The following DPRX variants were observed in gnomAD, a reference collection of about 807,000 sequenced individuals.
The protein encoded by DPRX is divergent paired-related homeobox.
DPRX carries 11 observed loss-of-function variants against 8.4 expected under a neutral mutation model. The observed-to-expected ratio is 1.31, with a 90% CI of 0.82 to 2.17. The LOEUF (loss-of-function observed/expected upper bound fraction) is 2.17, where lower values mean the gene tolerates loss of function less well. Among genes scored for constraint, DPRX ranks in the 30% most tolerant of loss-of-function variants. The pLI, the probability that DPRX is intolerant of heterozygous loss-of-function variation, is 0.00. For missense variants in DPRX, 211 were observed against 236.7 expected, an observed-to-expected ratio of 0.89 and a Z score of 0.71; for synonymous variants, 72 against 87.0, an observed-to-expected ratio of 0.83 and a Z score of 0.96.
chr19:53,621,512 C>T, the DPRX span, among the ~76,000 whole-genome samples: 1 of 152,084 alleles, frequency 6.6e-6, no homozygotes, highest in African/African-American at 2.4e-5. Context: ...ATTTTCAATA[C>T]AGGCCAGGCA....
the DPRX span, among the ~76,000 whole-genome samples, chr19:53,604,240 G>T: frequency 3.1e-4 from 47 of 152,050 alleles, 1 homozygote; most frequent in South Asian, 9.4e-3. Flanking sequence ...CCGCGGTTTC[G>T]GGCATGTACT....
At chr19:53,601,729 G>A in the DPRX span, among the ~76,000 whole-genome samples, 57 of 152,124 alleles carry the variant, frequency 3.7e-4, no homozygotes, top group Non-Finnish European at 6.6e-4. Flanking sequence ...TGATCCACCC[G>A]CCTTGGCCTC....
intron 2 of DPRX, among the ~76,000 whole-genome samples, chr19:53,634,958 G>C (rs1261585781): frequency 6.6e-6 from 1 of 152,166 alleles, no homozygotes; most frequent in Admixed American, 6.6e-5. Context: ...CAGTGCGAAG[G>C]CAGCCACAGA....
the DPRX span, among the ~76,000 whole-genome samples, chr19:53,604,871 T>C: frequency 1.3e-5 from 2 of 148,218 alleles, no homozygotes; most frequent in African/African-American, 5.0e-5. Flanking sequence ...GCTGGAAAAA[T>C]AGGTTTTCAG....
chr19:53,618,096 C>G, the DPRX span, among the ~76,000 whole-genome samples: 1 of 149,930 alleles, frequency 6.7e-6, no homozygotes, highest in Non-Finnish European at 1.5e-5. Context: ...GAGCCTAGAT[C>G]GCTGCCACTG....
the DPRX span, among the ~76,000 whole-genome samples, chr19:53,623,801 T>C: frequency 6.6e-6 from 1 of 151,140 alleles, no homozygotes; most frequent in Admixed American, 6.6e-5. Flanking sequence ...AAATACACAA[T>C]TAGCTGGACA....
chr19:53,621,804 C>G, the DPRX span, among the ~76,000 whole-genome samples: 2 of 152,088 alleles, frequency 1.3e-5, no homozygotes, highest in Admixed American at 1.3e-4. Flanking sequence ...AAAAGGCAAT[C>G]TTTCCTAGAA....
the DPRX span, among the ~76,000 whole-genome samples, chr19:53,618,108 A>T: frequency 7.3e-5 from 11 of 150,718 alleles, no homozygotes; most frequent in South Asian, 4.2e-4. Flanking sequence ...CTGCCACTGC[A>T]CTCCAGCCTG....
chr19:53,636,133 C>T (rs970468569), intron 2 of DPRX, among the ~76,000 whole-genome samples: 12 of 152,036 alleles, frequency 7.9e-5, no homozygotes, highest in African/African-American at 2.4e-4. Context: ...TTTGGGAGGC[C>T]GAGGTGGGCG....
At chr19:53,604,570 TAAC>T in the DPRX span, 1 of 152,410 alleles carries the variant, frequency 6.6e-6, no homozygotes, top group African/African-American at 2.4e-5. Flanking sequence ...TGACTGTCGT[TAAC>T]AACTTATAAG....
At chr19:53,637,013 AATG>A, downstream of DPRX, 1 of 1,571,680 alleles carries the variant, frequency 6.4e-7, no homozygotes, top group South Asian at 1.2e-5. Flanking sequence ...CACATGTTGT[AATG>A]ATGTGTGTGT....
the DPRX span, among the ~76,000 whole-genome samples, chr19:53,620,836 C>T: frequency 6.6e-6 from 1 of 152,006 alleles, no homozygotes; most frequent in Non-Finnish European, 1.5e-5. Context: ...TCAGGTGATC[C>T]ACTTGCCTCA....
the DPRX span, among the ~76,000 whole-genome samples, chr19:53,613,634 AC>A: frequency 2.0e-5 from 3 of 151,528 alleles, no homozygotes; most frequent in Admixed American, 6.6e-5. Context: ...TGCTGGGACT[AC>A]AGGCATGAGC....
At chr19:53,602,378 AGATGCAG>A in the DPRX span, among the ~76,000 whole-genome samples, 1 of 134,540 alleles carries the variant, frequency 7.4e-6, no homozygotes, top group Non-Finnish European at 1.5e-5. Context: ...TTTTTTTTTG[AGATGCAG>A]TTTCACTCTT....
chr19:53,627,873 A>G (rs1051017336), upstream of DPRX, among the ~76,000 whole-genome samples: 1 of 151,578 alleles, frequency 6.6e-6, no homozygotes, highest in African/African-American at 2.4e-5. Context: ...CAACGTGGCA[A>G]ATACAAAAAT....
At chr19:53,613,394 TGGA>T in the DPRX span, among the ~76,000 whole-genome samples, 1 of 152,262 alleles carries the variant, frequency 6.6e-6, no homozygotes, top group African/African-American at 2.4e-5. Flanking sequence ...TCACCCAGGC[TGGA>T]GTGCAGTGGC....
At chr19:53,625,517 G>A in the DPRX span, among the ~76,000 whole-genome samples, 137,721 of 152,038 alleles carry the variant, frequency 0.91, 62,664 homozygotes, top group African/African-American at 0.98. Flanking sequence ...TAGAGCCTCA[G>A]TGATGCCCAC....
At chr19:53,620,194 C>G in the DPRX span, among the ~76,000 whole-genome samples, 1 of 150,186 alleles carries the variant, frequency 6.7e-6, no homozygotes, top group Non-Finnish European at 1.5e-5. Context: ...CTCAGCCTCC[C>G]CAGTAGCTGG....
intron 1 of DPRX, among the ~76,000 whole-genome samples, chr19:53,633,601 T>C (rs1442559914): frequency 6.6e-6 from 1 of 152,048 alleles, no homozygotes; most frequent in South Asian, 2.1e-4. Flanking sequence ...CCTCTGCCTC[T>C]GAGGTTCAAG....
Sources: allele counts gnomAD v4.1 joint callset (sites outside exome capture counted in the v4.1 genomes callset), GRCh38; gene constraint gnomAD v4.1.1; transcripts MANE v1.5; gene names NCBI Gene and HGNC (gene_info 2026-07-23, HGNC 2026-07-21).